ZNF641: variants seen among roughly 807,000 people sequenced by gnomAD.
The protein encoded by ZNF641 is zinc finger protein 641.
ZNF641 carries 26 observed loss-of-function variants against 46.2 expected under a neutral mutation model. That is an observed-to-expected ratio of 0.56 (90% CI 0.41 to 0.78). ZNF641 has a LOEUF of 0.78. ZNF641 is among the 30% of genes least tolerant of loss of function. The pLI is 0.00. For missense variants in ZNF641, 469 were observed against 517.8 expected (o/e 0.91, Z 0.91); for synonymous variants, 163 against 187.9 (o/e 0.87, Z 1.09).
chr12:48,341,418 A>G lies in ZNF641; in HGVS notation c.*1555T>C. ...AGAAACAATGACCAACTCATTAGCT[A>G]ACGATGCTAGAATACTTATGCAAGC... On this transcript the variant is annotated 3_prime_UTR_variant, in exon 6 of 6. Coordinates refer to ENST00000547026, the MANE Select transcript of ZNF641 (RefSeq NM_001172681.2). 1 of 985,468 alleles carries G rather than the reference A, an allele frequency of 1.0e-6. No individual in the cohort carries two copies. Among genetic ancestry groups the G allele is most frequent in the Non-Finnish European group, 1.2e-6 (1 of 829,932 alleles). The allele number at this position is 985,468 out of a possible 1,614,324, so 61.0% of individuals were successfully genotyped here.
intron 5 of ZNF641, among the ~76,000 whole-genome samples, chr12:48,344,170 T>A (rs752901079): frequency 6.6e-6 from 1 of 152,236 alleles, no homozygotes; most frequent in Non-Finnish European, 1.5e-5. Context: ...TTACAGAATG[T>A]GCCGCAATTG....
rs74464165 is a variant in ZNF641 at position 48,341,180 on chromosome 12, G to A, written c.*1793C>T. The A allele has an allele frequency of 2.3e-3, 2,306 of 985,402 alleles. 5 individuals carry two copies. The highest frequency in any genetic ancestry group is 2.6e-3 in the Non-Finnish European group (2,151 of 829,920). The allele number at this position is 985,402 out of a possible 1,614,324, so 61.0% of individuals were successfully genotyped here. A position where few individuals can be genotyped will look rare whatever the true frequency, so the allele number is the denominator to read the frequency against. ...AGTTTTTCCTGCAAAAGGCACAGTC[G>A]CTAAACTAAATTGGTGCAATTCACT... On this transcript the variant is annotated 3_prime_UTR_variant, in exon 6 of 6. Transcript: ENST00000547026.
chr12:48,336,489 G>C (rs1431448884), downstream of ZNF641, among the ~76,000 whole-genome samples: 1 of 152,186 alleles, frequency 6.6e-6, no homozygotes, highest in East Asian at 1.9e-4. Flanking sequence ...CAATAGGCTT[G>C]AGGCTTTTTA....
At chr12:48,344,852 C>A in intron 4 of ZNF641, 140 bp from the exon 5 acceptor site, 1 of 590,176 alleles carries the variant, frequency 1.7e-6, no homozygotes, top group East Asian at 2.9e-5. Flanking sequence ...TATCCCCACC[C>A]CAACCTCTTC....
Position 48,340,730 on chromosome 12 carries a change from C to G in ZNF641, c.*2243G>C. On this transcript the variant is annotated 3_prime_UTR_variant, in exon 6 of 6. Coordinates refer to ENST00000547026, the MANE Select transcript of ZNF641 (RefSeq NM_001172681.2). ...ATGTCTTTTTCTCAAAAGTGCGTTT[C>G]TGGTTTCTGTCAGATTCAACAGGTC... 1 of 985,444 alleles carries G rather than the reference C, an allele frequency of 1.0e-6. No individual in the cohort carries two copies. Among genetic ancestry groups the G allele is most frequent in the Non-Finnish European group, 1.2e-6 (1 of 829,938 alleles). 61.0% of individuals were successfully genotyped at this position (985,444 alleles called of 1,614,324 possible).
At chr12:48,350,110 A>T in intron 1 of ZNF641, 1 of 1,613,984 alleles carries the variant, frequency 6.2e-7, no homozygotes, top group South Asian at 1.1e-5. Flanking sequence ...TTAAGGTGGT[A>T]GCCCTAACCT....
chr12:48,341,710 T>C lies in ZNF641; in HGVS notation c.*1263A>G. The stretch of plus-strand genomic sequence containing the variant: ...AACAAAATCCCCACTCAATACAAAG[T>C]TTCTATGTGCCTCTTGCCTGAAATC... On this transcript the variant is annotated 3_prime_UTR_variant, in exon 6 of 6. Coordinates refer to ENST00000547026, the MANE Select transcript of ZNF641 (RefSeq NM_001172681.2). 1.0e-6 allele frequency: 1 copy of C among 985,432 alleles called. No homozygotes were observed. Among genetic ancestry groups the C allele is most frequent in the Non-Finnish European group, 1.2e-6 (1 of 829,930 alleles). 61.0% of individuals were successfully genotyped at this position (985,432 alleles called of 1,614,324 possible).
At position 48,341,078 on chromosome 12, in the gene ZNF641, T is replaced by A; in HGVS notation, c.*1895A>T. On this transcript the variant is annotated 3_prime_UTR_variant, in exon 6 of 6. Transcript: ENST00000547026. ...CAAGCTGTTCAAGTCACATAAACTC[T>A]AAGAAGCCCAGTCAGCAAAATAAGT... The A allele has an allele frequency of 1.0e-6, 1 of 985,442 alleles. No homozygotes were observed. The highest frequency in any genetic ancestry group is 4.7e-5 in the South Asian group (1 of 21,288). 61.0% of individuals were successfully genotyped at this position (985,442 alleles called of 1,614,324 possible).
In ZNF641 at chr12:48,350,913, G is replaced by T. The variant is rs895392672; in HGVS notation, c.-153C>A. On this transcript the variant is annotated 5_prime_UTR_variant, in exon 1 of 6. Transcript: ENST00000547026. ...CAGCGACAGGCGGAGACGGCGGCCC[G>T]GCAGGCGCGGGCGGGGCGGGGCGGG... 1.0e-6 allele frequency: 1 copy of T among 960,444 alleles called. No homozygotes were observed. Among genetic ancestry groups the T allele is most frequent in the East Asian group, 1.2e-4 (1 of 8,680 alleles). 59.5% of individuals were successfully genotyped at this position (960,444 alleles called of 1,614,324 possible). A position where few individuals can be genotyped will look rare whatever the true frequency, so the allele number is the denominator to read the frequency against.
intron 1 of ZNF641, chr12:48,350,211 C>G: frequency 1.3e-6 from 2 of 1,497,302 alleles, no homozygotes; most frequent in Non-Finnish European, 1.8e-6. Context: ...ATATGGGTAG[C>G]AAGGGACCTG....
At chr12:48,347,772 T>G in intron 2 of ZNF641, 135 bp downstream of exon 2, 67 of 805,696 alleles carry the variant, frequency 8.3e-5, no homozygotes, top group Middle Eastern at 3.7e-4. Context: ...TGACCAGGGC[T>G]GAGAAAGAAT....
At chr12:48,334,828 G>C (rs1041693412), downstream of ZNF641, among the ~76,000 whole-genome samples, 2 of 152,206 alleles carry the variant, frequency 1.3e-5, no homozygotes, top group African/African-American at 4.8e-5. Context: ...TCTTGGGAGA[G>C]AGACAGCGCC....
rs1204980599 is a variant in ZNF641, at chr12:48,339,879, C to T, written c.*3094G>A. 4.2e-6 allele frequency: 4 copies of T among 955,170 alleles called. No individual in the cohort carries two copies. The highest frequency in any genetic ancestry group is 6.2e-5 in the Admixed American group (1 of 16,222). The allele number at this position is 955,170 out of a possible 1,614,324, so 59.2% of individuals were successfully genotyped here. A position where few individuals can be genotyped will look rare whatever the true frequency, so the allele number is the denominator to read the frequency against. On this transcript the variant is annotated 3_prime_UTR_variant, in exon 6 of 6. Transcript: ENST00000547026. ...TAGCCTGGTGAAAAGCTAACACTTT[C>T]GGTTACAGTCTCCTATGCAAGGGAT...
chr12:48,344,546 A>C, intron 5 of ZNF641, 53 bp downstream of exon 5: 1 of 1,168,406 alleles, frequency 8.6e-7, no homozygotes, highest in East Asian at 2.4e-5. Context: ...ACATGGAATG[A>C]TGATGTCCCG....
In ZNF641 at chr12:48,341,214, C is replaced by T. The variant is rs1952708520; in HGVS notation, c.*1759G>A. On this transcript the variant is annotated 3_prime_UTR_variant, in exon 6 of 6. Coordinates refer to ENST00000547026, the MANE Select transcript of ZNF641 (RefSeq NM_001172681.2). Reference sequence around the variant, plus strand: ...AATTGGTGCAATTCACTTCCTCTTGCCTCTCTGGTTCATTCCACCAATTGT... The same window carrying T: ...AATTGGTGCAATTCACTTCCTCTTGTCTCTCTGGTTCATTCCACCAATTGT... The T allele has an allele frequency of 1.0e-6, 1 of 985,452 alleles. No homozygotes were observed. The highest frequency in any genetic ancestry group is 1.2e-6 in the Non-Finnish European group (1 of 829,936). The allele number at this position is 985,452 out of a possible 1,614,324, so 61.0% of individuals were successfully genotyped here.
At position 48,340,337 on chromosome 12, in the gene ZNF641, G is replaced by C; in HGVS notation, c.*2636C>G. On this transcript the variant is annotated 3_prime_UTR_variant, in exon 6 of 6. Coordinates refer to ENST00000547026, the MANE Select transcript of ZNF641 (RefSeq NM_001172681.2). ...CTACAATTACTCAAACAGATAAAAG[G>C]CTGGATGTTAACATGTAGTTATAAG... 3 of 985,394 alleles carry C rather than the reference G, an allele frequency of 3.0e-6. No homozygotes were observed. Among genetic ancestry groups the C allele is most frequent in the Non-Finnish European group, 3.6e-6 (3 of 829,924 alleles). 61.0% of individuals were successfully genotyped at this position (985,394 alleles called of 1,614,324 possible).
In ZNF641 at chr12:48,342,320, C is replaced by G. The variant is rs1952738584; in HGVS notation, c.*653G>C. ...CTGATTGGCATAAGGAAGACAGACC[C>G]ACACATGAACAAGGTCTGGCCCCCC... On this transcript the variant is annotated 3_prime_UTR_variant, in exon 6 of 6. Transcript: ENST00000547026. The G allele has an allele frequency of 1.0e-6, 1 of 985,684 alleles. No individual in the cohort carries two copies. Among genetic ancestry groups the G allele is most frequent in the Non-Finnish European group, 1.2e-6 (1 of 830,230 alleles). 61.1% of individuals were successfully genotyped at this position (985,684 alleles called of 1,614,324 possible).
intron 3 of ZNF641, chr12:48,347,035 C>CA (rs1952891039): frequency 2.2e-6 from 2 of 892,708 alleles, no homozygotes; most frequent in Non-Finnish European, 1.6e-6. Flanking sequence ...AAACAAAACT[C>CA]AAAAAAACCC....
chr12:48,336,721 ACACT>A (rs1952608189), downstream of ZNF641, among the ~76,000 whole-genome samples: 2 of 152,200 alleles, frequency 1.3e-5, no homozygotes, highest in South Asian at 4.1e-4. Context: ...GGGTCAAGTC[ACACT>A]CACTACCGCC....
Sources: gnomAD v4.1 joint callset for allele counts (sites outside exome capture counted in the v4.1 genomes callset) on GRCh38, gnomAD v4.1.1 for gene constraint, MANE v1.5 for transcripts, NCBI Gene and HGNC (gene_info 2026-07-23, HGNC 2026-07-21) for gene names.